GRIN2A: variants seen among roughly 807,000 people sequenced by gnomAD.
The protein encoded by GRIN2A is glutamate ionotropic receptor NMDA type subunit 2A.
Under a neutral mutation model 113.4 loss-of-function variants are expected in GRIN2A, and 22 were observed. The ratio of observed to expected loss-of-function variants is 0.19; its 90% CI spans 0.14 to 0.28. The LOEUF is 0.28. Ranked by LOEUF, GRIN2A falls within the 10% of genes least tolerant of loss-of-function variation. GRIN2A has a pLI of 1.00. For missense variants in GRIN2A, 1,502 were observed against 1,887.0 expected (o/e 0.80, Z 3.78); for synonymous variants, 827 against 738.4 (o/e 1.12, Z -1.94).
At chr16:9,965,527 C>T (rs1329268016) in intron 2 of GRIN2A, among the ~76,000 whole-genome samples, 3 of 152,164 alleles carry the variant, frequency 2.0e-5, no homozygotes, top group Admixed American at 2.0e-4. Context: ...AAGCAGAAAT[C>T]ACAACCGATT....
chr16:9,956,662 A>G (rs2045319168), intron 2 of GRIN2A, among the ~76,000 whole-genome samples: 1 of 152,248 alleles, frequency 6.6e-6, no homozygotes, highest in Non-Finnish European at 1.5e-5. Flanking sequence ...ACAAATATTA[A>G]TTAAACAACT....
chr16:9,887,047 G>C (rs544542278), intron 4 of GRIN2A, among the ~76,000 whole-genome samples: 1 of 152,048 alleles, frequency 6.6e-6, no homozygotes, highest in South Asian at 2.1e-4. Context: ...CCACCATGCC[G>C]GGCTAATTTT....
At chr16:10,121,105 C>T (rs968639201) in intron 2 of GRIN2A, among the ~76,000 whole-genome samples, 5 of 152,194 alleles carry the variant, frequency 3.3e-5, no homozygotes, top group African/African-American at 1.2e-4. Flanking sequence ...TTGGTCAAAG[C>T]AGCAATCCAC....
chr16:10,143,139 G>A (rs768537558), intron 2 of GRIN2A, among the ~76,000 whole-genome samples: 1 of 152,192 alleles, frequency 6.6e-6, no homozygotes, highest in South Asian at 2.1e-4. Flanking sequence ...AGATTTCATG[G>A]TTGGTATGCA....
chr16:9,832,695 G>A (rs934088499), intron 8 of GRIN2A, among the ~76,000 whole-genome samples: 1 of 152,174 alleles, frequency 6.6e-6, no homozygotes, highest in South Asian at 2.1e-4. Context: ...AGGAACTACT[G>A]TATCACAGTG....
chr16:9,786,203 A>G (rs1019236231), intron 11 of GRIN2A, among the ~76,000 whole-genome samples: 3 of 152,222 alleles, frequency 2.0e-5, no homozygotes, highest in Non-Finnish European at 4.4e-5. Context: ...AATTCCAGCA[A>G]CCAAGACAGG....
intron 2 of GRIN2A, among the ~76,000 whole-genome samples, chr16:10,098,150 T>C (rs764355920): frequency 2.0e-5 from 3 of 152,088 alleles, no homozygotes; most frequent in Non-Finnish European, 4.4e-5. Context: ...GCTAAGGGCA[T>C]GAACAGATAG....
At chr16:10,048,640 C>G (rs772538713) in intron 2 of GRIN2A, among the ~76,000 whole-genome samples, 1 of 152,210 alleles carries the variant, frequency 6.6e-6, no homozygotes. Context: ...TGTCTCCAAA[C>G]ACTAACATAG....
At chr16:9,941,480 G>C (rs186932529) in intron 2 of GRIN2A, among the ~76,000 whole-genome samples, 3 of 152,348 alleles carry the variant, frequency 2.0e-5, no homozygotes, top group East Asian at 1.9e-4. Flanking sequence ...ATCTGTGAAA[G>C]AGTAGGTGCA....
At position 9,937,944 on chromosome 16, in the gene GRIN2A, C is replaced by G; in HGVS notation, c.1007+15G>C. On this transcript the variant is annotated intron_variant, in intron 3 of 12. Coordinates refer to ENST00000330684, the MANE Select transcript of GRIN2A (RefSeq NM_001134407.3). Reference sequence around the variant, plus strand: ...ACTCTGATCCCACTTTGGGAGACAACAAGCCCTTTCTTACGGGTGCAAGGT... The same window carrying G: ...ACTCTGATCCCACTTTGGGAGACAAGAAGCCCTTTCTTACGGGTGCAAGGT... 2.5e-6 allele frequency: 4 copies of G among 1,586,962 alleles called. No homozygotes were observed. In the South Asian group the frequency reaches 3.3e-5, roughly 13 times the overall value.
At chr16:9,809,586 A>G (rs1039685903) in intron 10 of GRIN2A, among the ~76,000 whole-genome samples, 2 of 151,948 alleles carry the variant, frequency 1.3e-5, no homozygotes, top group African/African-American at 4.8e-5. Context: ...ACATTTTTTA[A>G]TGAGAAGCAA....
At chr16:10,035,881 G>A (rs1054452635) in intron 2 of GRIN2A, among the ~76,000 whole-genome samples, 1 of 152,068 alleles carries the variant, frequency 6.6e-6, no homozygotes, top group African/African-American at 2.4e-5. Flanking sequence ...TTGCCACCAT[G>A]CCTGGCTAAT....
intron 10 of GRIN2A, among the ~76,000 whole-genome samples, chr16:9,809,696 A>G (rs1018586452): frequency 1.3e-5 from 2 of 152,182 alleles, no homozygotes; most frequent in Admixed American, 6.5e-5. Flanking sequence ...AGCTGTCTGT[A>G]TAGTGGAGAT....
intron 2 of GRIN2A, among the ~76,000 whole-genome samples, chr16:10,064,664 G>A (rs993211291): frequency 2.6e-5 from 4 of 152,204 alleles, no homozygotes; most frequent in Non-Finnish European, 2.9e-5. Flanking sequence ...ATCAAGAGAT[G>A]TCATAGTTCA....
intron 9 of GRIN2A, among the ~76,000 whole-genome samples, chr16:9,822,690 G>A (rs1199499286): frequency 2.0e-5 from 3 of 152,104 alleles, no homozygotes; most frequent in Non-Finnish European, 4.4e-5. Flanking sequence ...CACAGAGCCC[G>A]GCTGGGTGCT....
chr16:9,899,785 T>C (rs945715925), intron 3 of GRIN2A, among the ~76,000 whole-genome samples: 70 of 152,096 alleles, frequency 4.6e-4, no homozygotes, highest in Non-Finnish European at 7.4e-5. Context: ...AAAGTAACTG[T>C]GGAATAAATG....
intron 10 of GRIN2A, among the ~76,000 whole-genome samples, chr16:9,817,832 G>C (rs1229401116): frequency 6.6e-6 from 1 of 152,204 alleles, no homozygotes; most frequent in Non-Finnish European, 1.5e-5. Context: ...AAACGTGTGG[G>C]TGGAGCAGTG....
intron 2 of GRIN2A, among the ~76,000 whole-genome samples, chr16:10,049,699 G>A (rs554410677): frequency 5.9e-5 from 9 of 152,182 alleles, no homozygotes; most frequent in East Asian, 1.9e-4. Flanking sequence ...CTGGGACTCC[G>A]CAGTCCTCTT....
intron 4 of GRIN2A, among the ~76,000 whole-genome samples, chr16:9,888,906 A>C (rs1473815932): frequency 1.3e-5 from 2 of 152,060 alleles, no homozygotes; most frequent in Non-Finnish European, 2.9e-5. Flanking sequence ...AATTAATTTA[A>C]TTTTTAAATG....
Sources: gnomAD v4.1 joint callset for allele counts (sites outside exome capture counted in the v4.1 genomes callset) on GRCh38, gnomAD v4.1.1 for gene constraint, MANE v1.5 for transcripts, NCBI Gene and HGNC (gene_info 2026-07-23, HGNC 2026-07-21) for gene names.